Variants in PLCE1 observed in about 807,000 individuals in gnomAD.
PLCE1 encodes phospholipase C epsilon 1.
Under a neutral mutation model 242.8 loss-of-function variants are expected in PLCE1, and 119 were observed. The observed-to-expected ratio is 0.49, with a 90% confidence interval of 0.42 to 0.57. The LOEUF (loss-of-function observed/expected upper bound fraction) is 0.57. Among genes scored for constraint, PLCE1 ranks in the 20% least tolerant of loss-of-function variants. PLCE1 has a pLI of 0.00. For synonymous variants in PLCE1, 945 were observed against 1,017.4 expected, an observed-to-expected ratio of 0.93 and a Z score of 1.35; for missense variants, 2,441 against 2,788.8, an observed-to-expected ratio of 0.88 and a Z score of 2.81.
intron 24 of PLCE1, among the ~76,000 whole-genome samples, chr10:94,299,876 G>C (rs2052974243): frequency 6.6e-6 from 1 of 152,194 alleles, no homozygotes; most frequent in African/African-American, 2.4e-5. Context: ...CATAGTGCCT[G>C]GCACATAGAA....
At chr10:94,071,495 G>GTTTTTTTTTGTTTTTT (rs2044352554) in intron 2 of PLCE1, among the ~76,000 whole-genome samples, 1 of 83,316 alleles carries the variant, frequency 1.2e-5, no homozygotes, top group African/African-American at 5.4e-5. Flanking sequence ...TTTGGTTTTC[G>GTTTTTTTTTGTTTTTT]TTTTTTTTTT....
rs551318897 is a variant in PLCE1 at position 94,323,109 on chromosome 10, A to G, written c.6501+1050A>G. On this transcript the variant is annotated intron_variant, in intron 30 of 32. Transcript: ENST00000371380. ...TCTGCAGTGACAATGTCATGGTCCC[A>G]GAAATACCTAAGCCAGTAGGTACTG... Among the ~76,000 whole-genome samples, 22 of 152,326 alleles carry G rather than the reference A, an allele frequency of 1.4e-4. No individual in the cohort carries two copies. The South Asian group carries it at 4.4e-3, about 30-fold the overall frequency.
rs979924758 is a variant in PLCE1 at position 94,329,764 on chromosome 10, G to A, written c.*1821G>A. The A allele has an allele frequency of 3.8e-5, 4 of 105,388 alleles. No individual in the cohort carries two copies. In the Admixed American group the frequency reaches 6.3e-4, roughly 17 times the overall value. The allele number at this position is 105,388 out of a possible 1,614,324, so 6.5% of individuals were successfully genotyped here. On this transcript the variant is annotated 3_prime_UTR_variant, in exon 33 of 33. Coordinates refer to ENST00000371380, the MANE Select transcript of PLCE1 (RefSeq NM_016341.4). ...CCACGCTCCAGCCTGGTGACAGAGC[G>A]AGACTCCGTCTCAAAAAAAAAAAAA...
intron 2 of PLCE1, among the ~76,000 whole-genome samples, chr10:94,076,566 A>T (rs1408987154): frequency 6.6e-6 from 1 of 152,288 alleles, no homozygotes; most frequent in African/African-American, 2.4e-5. Context: ...ATCTTTCAGC[A>T]CTTGCTCTTT....
intron 4 of PLCE1, among the ~76,000 whole-genome samples, chr10:94,192,185 T>C (rs2048688905): frequency 6.6e-6 from 1 of 152,246 alleles, no homozygotes; most frequent in African/African-American, 2.4e-5. Flanking sequence ...ATTTTGTTTT[T>C]ATAATTTCAA....
chr10:94,025,584 G>A (rs1474279651), intron 1 of PLCE1, among the ~76,000 whole-genome samples: 1 of 152,078 alleles, frequency 6.6e-6, no homozygotes, highest in Non-Finnish European at 1.5e-5. Flanking sequence ...CCCTGATGCT[G>A]AATAATGTGC....
intron 2 of PLCE1, among the ~76,000 whole-genome samples, chr10:94,096,143 G>A (rs1401345226): frequency 6.6e-6 from 1 of 152,120 alleles, no homozygotes; most frequent in Non-Finnish European, 1.5e-5. Context: ...TGTTCCTAGG[G>A]CAGTATGGAA....
chr10:94,181,051 G>A (rs1389366977), intron 4 of PLCE1, among the ~76,000 whole-genome samples: 1 of 152,248 alleles, frequency 6.6e-6, no homozygotes, highest in Admixed American at 6.5e-5. Context: ...GGCAGCAGGA[G>A]GAGGCAGTGG....
At chr10:94,042,406 T>C (rs918617779) in intron 2 of PLCE1, among the ~76,000 whole-genome samples, 1 of 152,212 alleles carries the variant, frequency 6.6e-6, no homozygotes. Flanking sequence ...CCCCATTTCA[T>C]TGGGTCCTGT....
At chr10:94,180,220 G>C (rs990063571) in intron 4 of PLCE1, among the ~76,000 whole-genome samples, 1 of 152,000 alleles carries the variant, frequency 6.6e-6, no homozygotes, top group Non-Finnish European at 1.5e-5. Flanking sequence ...CATTTTCCTC[G>C]CAATAGGATT....
chr10:94,255,912 A>ACTCT (rs1564834353), intron 11 of PLCE1, among the ~76,000 whole-genome samples: 15 of 87,026 alleles, frequency 1.7e-4, no homozygotes, highest in East Asian at 1.2e-3. Context: ...ACACACACAC[A>ACTCT]CACTCTCTCT....
chr10:94,166,990 G>A (rs926738341), intron 3 of PLCE1, among the ~76,000 whole-genome samples: 2 of 152,100 alleles, frequency 1.3e-5, no homozygotes, highest in African/African-American at 2.4e-5. Flanking sequence ...TAACAGTCTA[G>A]TTAAGATATG....
chr10:94,226,117 G>T (rs2049929016), intron 4 of PLCE1, among the ~76,000 whole-genome samples: 1 of 152,282 alleles, frequency 6.6e-6, no homozygotes, highest in South Asian at 2.1e-4. Flanking sequence ...CCAAAGTAAA[G>T]GTGGCAGCAA....
chr10:94,009,278 A>T (rs1414136816), intron 1 of PLCE1, among the ~76,000 whole-genome samples: 1 of 151,968 alleles, frequency 6.6e-6, no homozygotes, highest in African/African-American at 2.4e-5. Flanking sequence ...AAACAACCAG[A>T]TCTCATGTGA....
At chr10:94,124,132 C>T (rs1192288133) in intron 2 of PLCE1, among the ~76,000 whole-genome samples, 1 of 152,102 alleles carries the variant, frequency 6.6e-6, no homozygotes, top group Non-Finnish European at 1.5e-5. Flanking sequence ...AAAATCCCAG[C>T]ACGCTGGGAC....
rs1408698670 is a variant in PLCE1 at position 94,265,847 on chromosome 10, C to T, written c.4170C>T (p.Asn1390=). ...FASKNDESQE[N]IKELQLPLSY... The stretch of plus-strand genomic sequence containing the variant: ...CAAAAAATGATGAGTCACAGGAGAA[C>T]ATTAAAGAACTGCAGCTACCCCTCT... Residue 1390 remains asparagine, a synonymous_variant, in exon 16 of 33, where the codon AAC becomes AAT. Transcript: ENST00000371380. The T allele has an allele frequency of 6.2e-7, 1 of 1,614,010 alleles. No homozygotes were observed. Among genetic ancestry groups the T allele is most frequent in the Non-Finnish European group, 8.5e-7 (1 of 1,179,936 alleles).
chr10:94,284,826 G>C, intron 21 of PLCE1, 22 bp from the exon 22 acceptor site: 1 of 1,256,110 alleles, frequency 8.0e-7, no homozygotes, highest in Non-Finnish European at 1.2e-6. Flanking sequence ...CATGTAAAAT[G>C]GTATCATTTT....
intron 2 of PLCE1, among the ~76,000 whole-genome samples, chr10:94,074,221 T>C (rs940998571): frequency 6.3e-5 from 9 of 141,906 alleles, no homozygotes; most frequent in Non-Finnish European, 1.1e-4. Flanking sequence ...GTAGACAGAG[T>C]CTCCCTCTGT....
chr10:94,077,658 C>T (rs540527215), intron 2 of PLCE1, among the ~76,000 whole-genome samples: 1 of 152,290 alleles, frequency 6.6e-6, no homozygotes, highest in Non-Finnish European at 1.5e-5. Flanking sequence ...GTACTAGCTA[C>T]TCCGGAGGCT....
Sources: gnomAD v4.1 joint callset for allele counts (sites outside exome capture counted in the v4.1 genomes callset) on GRCh38, gnomAD v4.1.1 for gene constraint, MANE v1.5 for transcripts, NCBI Gene and HGNC (gene_info 2026-07-23, HGNC 2026-07-21) for gene names.